The following PARP16 variants were observed in gnomAD, a reference collection of about 807,000 sequenced individuals.
PARP16 encodes protein mono-ADP-ribosyltransferase PARP16.
A neutral mutation model predicts 35.0 loss-of-function variants in PARP16; 31 were observed. The ratio of observed to expected loss-of-function variants is 0.88; its 90% CI spans 0.66 to 1.19. PARP16 has a LOEUF of 1.19. Among genes scored for constraint, PARP16 ranks in the 50% most tolerant of loss-of-function variants. The pLI is 0.00. For missense variants in PARP16, 424 were observed against 411.2 expected (o/e 1.03, Z -0.27); for synonymous variants, 162 against 169.5 (o/e 0.96, Z 0.34).
downstream of PARP16, among the ~76,000 whole-genome samples, chr15:65,255,810 G>A (rs970873003): frequency 1.6e-4 from 24 of 150,306 alleles, no homozygotes; most frequent in African/African-American, 5.1e-4. Flanking sequence ...TTGCCGGAAT[G>A]AGAGGCCCAC....
chr15:65,265,508 T>G (rs2089859620), intron 3 of PARP16, among the ~76,000 whole-genome samples: 1 of 151,962 alleles, frequency 6.6e-6, no homozygotes, highest in Non-Finnish European at 1.5e-5. Context: ...TGCAGAGAAG[T>G]GGATAGATGA....
intron 2 of PARP16, among the ~76,000 whole-genome samples, chr15:65,267,521 G>A (rs1041818615): frequency 6.6e-5 from 10 of 150,854 alleles, no homozygotes; most frequent in Admixed American, 1.3e-4. Context: ...GCAGGAGAAT[G>A]GTGTGAACCC....
At chr15:65,279,442 C>T (rs2140961996) in intron 1 of PARP16, among the ~76,000 whole-genome samples, 1 of 152,228 alleles carries the variant, frequency 6.6e-6, no homozygotes, top group African/African-American at 2.4e-5. Flanking sequence ...GGATGGATCC[C>T]ACCCCTTCAC....
intron 1 of PARP16, among the ~76,000 whole-genome samples, chr15:65,271,355 C>CAA (rs1438950833): frequency 6.6e-6 from 1 of 152,032 alleles, no homozygotes. Context: ...CTCACTGCAG[C>CAA]CTCTGCCTCC....
chr15:65,240,310 G>GTGGGGGGGGGCTA (rs61177378), intron 3 of PARP16, among the ~76,000 whole-genome samples: 1 of 118,288 alleles, frequency 8.5e-6, no homozygotes, highest in African/African-American at 3.8e-5. Flanking sequence ...GTGTGTGTGT[G>GTGGGGGGGGGCTA]GTGGGGGGGG....
chr15:65,231,852 C>A (rs1007577240), downstream of PARP16, among the ~76,000 whole-genome samples: 25 of 152,146 alleles, frequency 1.6e-4, no homozygotes, highest in African/African-American at 5.8e-4. Context: ...CTTCTTGTCT[C>A]TCATTTTTTC....
intron 1 of PARP16, among the ~76,000 whole-genome samples, chr15:65,282,374 A>T (rs902670984): frequency 1.6e-4 from 25 of 152,346 alleles, no homozygotes; most frequent in African/African-American, 6.0e-4. Context: ...TAGCCAGTCC[A>T]TTCCAGACCT....
intron 3 of PARP16, among the ~76,000 whole-genome samples, chr15:65,242,107 G>A (rs922163953): frequency 1.3e-5 from 2 of 152,136 alleles, no homozygotes; most frequent in Admixed American, 1.3e-4. Context: ...AGTTGTTCTA[G>A]CACCATTTGT....
chr15:65,263,666 G>C (rs898277963), intron 3 of PARP16, among the ~76,000 whole-genome samples: 3 of 152,160 alleles, frequency 2.0e-5, no homozygotes, highest in African/African-American at 7.2e-5. Context: ...TAAACTCTCT[G>C]TGTCTCAGTT....
At chr15:65,260,567 G>A (rs1178971831) in intron 5 of PARP16, among the ~76,000 whole-genome samples, 1 of 152,178 alleles carries the variant, frequency 6.6e-6, no homozygotes, top group East Asian at 1.9e-4. Context: ...AACCTCATCG[G>A]TGGGTCTCAG....
intron 2 of PARP16, among the ~76,000 whole-genome samples, chr15:65,269,172 GTTTTTT>G (rs1202398661): frequency 3.8e-4 from 18 of 47,102 alleles, no homozygotes; most frequent in Non-Finnish European, 6.0e-4. Context: ...ATTTTAGTCG[GTTTTTT>G]TCTTTCTTTC....
intron 4 of PARP16, among the ~76,000 whole-genome samples, chr15:65,261,516 C>T (rs775776622): frequency 1.7e-4 from 25 of 150,418 alleles, no homozygotes; most frequent in Non-Finnish European, 2.8e-4. Flanking sequence ...AGTGCAACAG[C>T]GCAGTTTTGG....
chr15:65,256,285 C>G (rs2089506401), downstream of PARP16, among the ~76,000 whole-genome samples: 1 of 152,272 alleles, frequency 6.6e-6, no homozygotes, highest in African/African-American at 2.4e-5. Context: ...AGCATCAATC[C>G]TCTTAATCCT....
intron 3 of PARP16, among the ~76,000 whole-genome samples, chr15:65,241,600 C>T (rs2089082912): frequency 1.3e-5 from 2 of 152,230 alleles, no homozygotes; most frequent in Non-Finnish European, 2.9e-5. Context: ...TTTCTTATAA[C>T]CAAAGAGGAT....
intron 2 of PARP16, among the ~76,000 whole-genome samples, chr15:65,249,887 C>T (rs1005752404): frequency 6.6e-6 from 1 of 152,170 alleles, no homozygotes; most frequent in African/African-American, 2.4e-5. Context: ...GCTCAGAGCT[C>T]TGATTGAGTG....
chr15:65,254,231 C>T (rs774952861), downstream of PARP16, among the ~76,000 whole-genome samples: 9 of 152,162 alleles, frequency 5.9e-5, no homozygotes, highest in African/African-American at 9.7e-5. Context: ...TACAGCAGAA[C>T]GCTGGAAATT....
At chr15:65,284,895 G>A (rs1252089432) in intron 1 of PARP16, among the ~76,000 whole-genome samples, 1 of 131,604 alleles carries the variant, frequency 7.6e-6, no homozygotes. Context: ...ACAGCTCATT[G>A]CAGCCTCGAC....
chr15:65,235,866 T>G (rs921117793), intron 3 of PARP16, among the ~76,000 whole-genome samples: 2 of 146,824 alleles, frequency 1.4e-5, no homozygotes, highest in East Asian at 2.0e-4. Context: ...ATATGGTTTT[T>G]TTTTTTTTTT....
At chr15:65,269,172 G>GT (rs1202398661) in intron 2 of PARP16, among the ~76,000 whole-genome samples, 2 of 47,118 alleles carry the variant, frequency 4.2e-5, no homozygotes, top group Non-Finnish European at 1.0e-4. Context: ...ATTTTAGTCG[G>GT]TTTTTTTCTT....
Sources: allele counts gnomAD v4.1 joint callset (sites outside exome capture counted in the v4.1 genomes callset), GRCh38; gene constraint gnomAD v4.1.1; transcripts MANE v1.5; gene names NCBI Gene and HGNC (gene_info 2026-07-23, HGNC 2026-07-21).